The following CPA6 variants were observed in gnomAD, a reference collection of about 807,000 sequenced individuals.
CPA6 encodes carboxypeptidase A6, also known as carboxypeptidase B.
CPA6 carries 58 observed loss-of-function variants against 63.3 expected under a neutral mutation model. That is an observed-to-expected ratio of 0.92 (90% CI 0.74 to 1.14). The LOEUF is 1.14. CPA6 is among the 50% of genes most tolerant of loss of function. The pLI, the probability that CPA6 is intolerant of heterozygous loss-of-function variation, is 0.00. For missense variants in CPA6, 565 were observed against 526.6 expected (o/e 1.07, Z -0.71); for synonymous variants, 185 against 179.0 (o/e 1.03, Z -0.27).
intron 2 of CPA6, among the ~76,000 whole-genome samples, chr8:67,570,721 G>C (rs2128976309): frequency 6.6e-6 from 1 of 152,186 alleles, no homozygotes; most frequent in South Asian, 2.1e-4. Flanking sequence ...AAAAGATTCA[G>C]AACATACCAC....
At chr8:67,476,334 C>T (rs1234649512) in intron 8 of CPA6, among the ~76,000 whole-genome samples, 1 of 152,062 alleles carries the variant, frequency 6.6e-6, no homozygotes, top group East Asian at 1.9e-4. Flanking sequence ...AAAATGTGGG[C>T]TACAAAAATC....
chr8:67,676,857 A>T (rs1444882924), intron 1 of CPA6, among the ~76,000 whole-genome samples: 1 of 152,266 alleles, frequency 6.6e-6, no homozygotes, highest in Non-Finnish European at 1.5e-5. Flanking sequence ...TAACTATTTA[A>T]TATGGATATA....
chr8:67,496,169 T>A (rs1405298215), intron 6 of CPA6, among the ~76,000 whole-genome samples: 2 of 152,118 alleles, frequency 1.3e-5, no homozygotes, highest in African/African-American at 4.8e-5. Flanking sequence ...TTCCTTCAGG[T>A]ACTATAATCA....
rs1296269673 is a variant in CPA6, at chr8:67,422,462, T to C, written c.*42A>G. The C allele has an allele frequency of 6.4e-7, 1 of 1,562,882 alleles. No homozygotes were observed. ...TTTCTATCCAGGGCCAAGTAGGCCTTGCTCAGAATCCTATGGCAGTTGACC... is the reference window on the plus strand; with the variant it reads ...TTTCTATCCAGGGCCAAGTAGGCCTCGCTCAGAATCCTATGGCAGTTGACC... On this transcript the variant is annotated 3_prime_UTR_variant, in exon 11 of 11. Coordinates refer to ENST00000297770, the MANE Select transcript of CPA6 (RefSeq NM_020361.5).
intron 10 of CPA6, among the ~76,000 whole-genome samples, chr8:67,427,323 A>G (rs1423253668): frequency 6.6e-6 from 1 of 152,034 alleles, no homozygotes; most frequent in Non-Finnish European, 1.5e-5. Context: ...TTTATTCTCA[A>G]ATTTATCGTT....
intron 2 of CPA6, among the ~76,000 whole-genome samples, chr8:67,615,275 T>A (rs1013369617): frequency 6.6e-6 from 1 of 152,326 alleles, no homozygotes; most frequent in South Asian, 2.1e-4. Flanking sequence ...GAGCTGTGGG[T>A]CTAAGAAATG....
rs548098354 is a variant in CPA6, at chr8:67,559,970, C to T, written c.193-41923G>A. Among the ~76,000 whole-genome samples the T allele has an allele frequency of 1.1e-4, 16 of 151,848 alleles. No individual in the cohort carries two copies. The South Asian group carries it at 3.1e-3, about 30-fold the overall frequency. ...ATGTAAGGACACAGTGGGAAGATGC[C>T]ATCTCTCAATCTGGAAAAAGCCCTT... On this transcript the variant is annotated intron_variant, in intron 2 of 10. Coordinates refer to ENST00000297770, the MANE Select transcript of CPA6 (RefSeq NM_020361.5).
chr8:67,588,358 G>A (rs1372311141), intron 2 of CPA6, among the ~76,000 whole-genome samples: 1 of 152,166 alleles, frequency 6.6e-6, no homozygotes, highest in African/African-American at 2.4e-5. Context: ...CTGCGGGTAG[G>A]CCTAGAATTA....
chr8:67,435,095 G>A (rs1315681579), intron 8 of CPA6, among the ~76,000 whole-genome samples: 17 of 152,208 alleles, frequency 1.1e-4, no homozygotes, highest in Non-Finnish European at 2.4e-4. Flanking sequence ...TCAGAGGAAG[G>A]ACAGTCTGCA....
chr8:67,714,138 TCTGTTTATTATACC>T (rs530317222), intron 1 of CPA6, among the ~76,000 whole-genome samples: 4 of 152,212 alleles, frequency 2.6e-5, no homozygotes, highest in Non-Finnish European at 4.4e-5. Flanking sequence ...CATAAATGTA[TCTGTTTATTATACC>T]CAAACAAATA....
At chr8:67,658,137 C>T (rs1033703111) in intron 1 of CPA6, among the ~76,000 whole-genome samples, 8 of 152,172 alleles carry the variant, frequency 5.3e-5, no homozygotes, top group African/African-American at 1.7e-4. Flanking sequence ...CTGAAGAATT[C>T]CTATTCATCT....
intron 6 of CPA6, among the ~76,000 whole-genome samples, chr8:67,495,053 C>T (rs1811680796): frequency 1.3e-5 from 2 of 152,146 alleles, no homozygotes; most frequent in South Asian, 4.1e-4. Context: ...TCCACGGTGT[C>T]TTAACAGGGC....
intron 2 of CPA6, among the ~76,000 whole-genome samples, chr8:67,558,499 T>C (rs1243220933): frequency 6.6e-6 from 1 of 152,248 alleles, no homozygotes; most frequent in African/African-American, 2.4e-5. Context: ...TGAAAGTCAA[T>C]GTAAATTTAT....
At chr8:67,689,510 G>T (rs561169363) in intron 1 of CPA6, among the ~76,000 whole-genome samples, 3 of 152,306 alleles carry the variant, frequency 2.0e-5, no homozygotes, top group African/African-American at 7.2e-5. Context: ...CCACTTGTAA[G>T]TGAGAATATG....
rs577410690 is a variant in CPA6 at position 67,656,390 on chromosome 8, G to A, written c.117-32139C>T. ...ACTCTCTTCAACTATTCCCACAAAT[G>A]TTACAGGGCAGGAAACATGGATGAG... On this transcript the variant is annotated intron_variant, in intron 1 of 10. Transcript: ENST00000297770. Among the ~76,000 whole-genome samples the A allele has an allele frequency of 2.7e-4, 41 of 152,252 alleles. No individual in the cohort carries two copies. The South Asian group carries it at 8.3e-3, about 31-fold the overall frequency.
chr8:67,615,752 G>A lies in CPA6; in HGVS notation c.192+8424C>T, dbSNP rs140856330. Reference sequence around the variant, plus strand: ...AGCCTACTGGGGATGGGTGAATGGAGGAAGCACAAAGGGATATAGATGTTA... The same window carrying A: ...AGCCTACTGGGGATGGGTGAATGGAAGAAGCACAAAGGGATATAGATGTTA... On this transcript the variant is annotated intron_variant, in intron 2 of 10. Coordinates refer to ENST00000297770, the MANE Select transcript of CPA6 (RefSeq NM_020361.5). Among the ~76,000 whole-genome samples the A allele has an allele frequency of 2.8e-3, 425 of 152,278 alleles. 1 individual carries two copies. Among genetic ancestry groups the A allele is most frequent in the African/African-American group, 9.0e-3 (375 of 41,566 alleles).
chr8:67,590,703 G>A (rs1395086969), intron 2 of CPA6, among the ~76,000 whole-genome samples: 2 of 151,976 alleles, frequency 1.3e-5, no homozygotes, highest in Admixed American at 6.6e-5. Context: ...AGAAGTGTCT[G>A]TTCATATCCT....
At chr8:67,501,401 G>C (rs1349747732) in intron 6 of CPA6, among the ~76,000 whole-genome samples, 2 of 151,968 alleles carry the variant, frequency 1.3e-5, no homozygotes, top group Non-Finnish European at 2.9e-5. Context: ...AATTGATTTT[G>C]TATGTTTATC....
chr8:67,693,852 G>A (rs948891982), intron 1 of CPA6, among the ~76,000 whole-genome samples: 1 of 152,188 alleles, frequency 6.6e-6, no homozygotes, highest in Non-Finnish European at 1.5e-5. Context: ...CTAGACTTAC[G>A]GGTAAGACAT....
Sources: allele counts gnomAD v4.1 joint callset (sites outside exome capture counted in the v4.1 genomes callset), GRCh38; gene constraint gnomAD v4.1.1; transcripts MANE v1.5; gene names NCBI Gene and HGNC (gene_info 2026-07-23, HGNC 2026-07-21).